CALN1: variants seen among roughly 807,000 people sequenced by gnomAD.
CALN1 encodes calcium-binding protein 8.
Under a neutral mutation model 30.6 loss-of-function variants are expected in CALN1, and 17 were observed. The ratio of observed to expected loss-of-function variants is 0.56; its 90% confidence interval spans 0.38 to 0.83. The LOEUF (loss-of-function observed/expected upper bound fraction) is 0.83. Ranked by LOEUF, CALN1 falls within the 40% of genes least tolerant of loss-of-function variation. The probability of loss-of-function intolerance (pLI) is 0.00; values close to 1 mark genes in which losing one functional copy is unlikely to be tolerated. For synonymous variants in CALN1, 156 were observed against 131.4 expected, an observed-to-expected ratio of 1.19 and a Z score of -1.28; for missense variants, 291 against 354.9, an observed-to-expected ratio of 0.82 and a Z score of 1.45.
At chr7:72,025,978 G>A (rs1471544247) in intron 4 of CALN1, among the ~76,000 whole-genome samples, 1 of 152,134 alleles carries the variant, frequency 6.6e-6, no homozygotes, top group Non-Finnish European at 1.5e-5. Context: ...GGAAAGGGAG[G>A]ATTTAACCAC....
chr7:72,215,579 G>A lies in CALN1; in HGVS notation c.244+63107C>T, dbSNP rs1199216364. 2.2e-5 allele frequency among the ~76,000 whole-genome samples: 3 copies of A among 138,152 alleles called. No individual in the cohort carries two copies. The East Asian group carries it at 6.9e-4, about 32-fold the overall frequency. The allele number at this position is 138,152 out of a possible 152,430, so 90.6% of individuals were successfully genotyped here. A position where few individuals can be genotyped will look rare whatever the true frequency, so the allele number is the denominator to read the frequency against. On this transcript the variant is annotated intron_variant, in intron 3 of 6. Coordinates refer to ENST00000395275, the MANE Select transcript of CALN1 (RefSeq NM_031468.4). ...ACTGCACTCTAGCTGGGTGACAAGA[G>A]CGAAACTCCTGCTCAAAAAAAAAAA...
rs549190290 is a variant in CALN1, at chr7:71,879,705, A to G, written c.502-69213T>C. On this transcript the variant is annotated intron_variant, in intron 5 of 6. Transcript: ENST00000395275. ...AAAACTATCAGCATCTTTCTAAAGC[A>G]AAGGGCAAGAGGGTAACCATGGCAA... Among the ~76,000 whole-genome samples, 104 of 152,304 alleles carry G rather than the reference A, an allele frequency of 6.8e-4. 1 individual carries two copies. The South Asian group carries it at 0.014, about 21-fold the overall frequency.
At chr7:72,286,877 A>G (rs1324713079) in intron 2 of CALN1, among the ~76,000 whole-genome samples, 1 of 152,284 alleles carries the variant, frequency 6.6e-6, no homozygotes. Context: ...TACAAACTTT[A>G]ACAAGGTGTC....
chr7:72,503,683 C>T, the CALN1 span, among the ~76,000 whole-genome samples: 1 of 152,070 alleles, frequency 6.6e-6, no homozygotes, highest in African/African-American at 2.4e-5. Flanking sequence ...GTAACCTTCT[C>T]TGAGTCTGTT....
At chr7:72,216,547 G>A (rs1049189832) in intron 3 of CALN1, among the ~76,000 whole-genome samples, 8 of 152,118 alleles carry the variant, frequency 5.3e-5, no homozygotes, top group Non-Finnish European at 1.0e-4. Flanking sequence ...CCTGACCCTA[G>A]GGAGGTGGAG....
At chr7:72,451,385 AG>A (rs1396725590), upstream of CALN1, among the ~76,000 whole-genome samples, 1 of 115,712 alleles carries the variant, frequency 8.6e-6, no homozygotes, top group African/African-American at 3.2e-5. Flanking sequence ...AAGAAGAAGG[AG>A]GAGGAGGAGT....
chr7:72,126,573 T>C (rs1354750382), intron 3 of CALN1, among the ~76,000 whole-genome samples: 1 of 151,114 alleles, frequency 6.6e-6, no homozygotes, highest in East Asian at 2.0e-4. Context: ...CAATGTACAC[T>C]GTACCCAGTT....
chr7:72,081,393 T>C (rs1805125881), intron 4 of CALN1, among the ~76,000 whole-genome samples: 1 of 37,946 alleles, frequency 2.6e-5, no homozygotes, highest in African/African-American at 9.7e-5. Context: ...TGGCATAAGA[T>C]GCAAAATCAT....
At chr7:72,230,156 A>G (rs995201297) in intron 3 of CALN1, among the ~76,000 whole-genome samples, 1 of 151,862 alleles carries the variant, frequency 6.6e-6, no homozygotes, top group African/African-American at 2.4e-5. Flanking sequence ...ACAAAAACAA[A>G]AACAAAAAAC....
intron 5 of CALN1, among the ~76,000 whole-genome samples, chr7:72,003,879 G>A (rs1012433864): frequency 6.6e-6 from 1 of 152,184 alleles, no homozygotes. Flanking sequence ...CACGAAACCA[G>A]TCTCTGGTGC....
At chr7:72,427,822 T>C (rs140976152) in intron 1 of CALN1, among the ~76,000 whole-genome samples, 4 of 152,208 alleles carry the variant, frequency 2.6e-5, no homozygotes, top group African/African-American at 9.6e-5. Context: ...ATCACATCAC[T>C]GTCTTGCTTA....
At chr7:71,957,454 T>C (rs1336220329) in intron 5 of CALN1, among the ~76,000 whole-genome samples, 10 of 152,166 alleles carry the variant, frequency 6.6e-5, no homozygotes, top group Admixed American at 2.6e-4. Flanking sequence ...TATTTCACTC[T>C]GCAAAAAATC....
At chr7:72,248,181 C>A (rs1795318351) in intron 3 of CALN1, among the ~76,000 whole-genome samples, 1 of 152,168 alleles carries the variant, frequency 6.6e-6, no homozygotes, top group African/African-American at 2.4e-5. Flanking sequence ...ATGGCACGAT[C>A]TTGGCTCACT....
chr7:72,431,070 C>A (rs1002291815), intron 1 of CALN1, among the ~76,000 whole-genome samples: 2 of 149,490 alleles, frequency 1.3e-5, no homozygotes, highest in South Asian at 4.3e-4. Context: ...GCTGGGATTA[C>A]AGGCCTGTGC....
chr7:72,094,772 G>A (rs1315058820), intron 4 of CALN1, among the ~76,000 whole-genome samples: 2 of 152,176 alleles, frequency 1.3e-5, no homozygotes. Context: ...TCCCAAGCAA[G>A]TCTGAAGAAT....
chr7:71,851,250 C>CAT (rs1195004062), intron 5 of CALN1, among the ~76,000 whole-genome samples: 42 of 150,132 alleles, frequency 2.8e-4, no homozygotes, highest in African/African-American at 9.9e-4. Context: ...CACACACACA[C>CAT]ACATCACACA....
At chr7:72,076,611 CA>C (rs572245834) in intron 4 of CALN1, among the ~76,000 whole-genome samples, 6 of 6,124 alleles carry the variant, frequency 9.8e-4, no homozygotes, top group Admixed American at 3.0e-3. Flanking sequence ...AAAAAAAAAG[CA>C]AAAAAAAAAA....
chr7:71,807,336 T>C (rs866431480), intron 6 of CALN1, among the ~76,000 whole-genome samples: 5 of 152,264 alleles, frequency 3.3e-5, no homozygotes, highest in South Asian at 2.1e-4. Context: ...CAGTATTCTC[T>C]TCCTAGACAC....
rs553561791 is a variant in CALN1 at position 72,245,653 on chromosome 7, A to C, written c.244+33033T>G. The stretch of plus-strand genomic sequence containing the variant: ...AAATAAATAAATAAATAAATAAATA[A>C]ATAAATAAAGTTGAGTAAAACAAGA... On this transcript the variant is annotated intron_variant, in intron 3 of 6. Transcript: ENST00000395275. Among the ~76,000 whole-genome samples, 38 of 150,814 alleles carry C rather than the reference A, an allele frequency of 2.5e-4. 1 individual carries two copies. Among genetic ancestry groups the C allele is most frequent in the Admixed American group, 2.2e-3 (34 of 15,186 alleles).
Sources: gnomAD v4.1 joint callset for allele counts (sites outside exome capture counted in the v4.1 genomes callset) on GRCh38, gnomAD v4.1.1 for gene constraint, MANE v1.5 for transcripts, NCBI Gene and HGNC (gene_info 2026-07-23, HGNC 2026-07-21) for gene names.